ANXA6: variants seen among roughly 807,000 people sequenced by gnomAD.
The protein encoded by ANXA6 is annexin A6, also known as 67 kDa calelectrin.
A neutral mutation model predicts 95.4 loss-of-function variants in ANXA6; 71 were observed. The observed-to-expected ratio is 0.74, with a 90% CI of 0.61 to 0.91. The LOEUF is 0.91. Among genes scored for constraint, ANXA6 ranks in the 40% least tolerant of loss-of-function variants. The probability of loss-of-function intolerance (pLI) is 0.00; values close to 1 mark genes in which losing one functional copy is unlikely to be tolerated. For synonymous variants in ANXA6, 289 were observed against 315.9 expected (o/e 0.91, Z 0.90); for missense variants, 830 against 876.4 (o/e 0.95, Z 0.67).
intron 13 of ANXA6, 109 bp from the exon 14 acceptor site, chr5:151,126,589 C>A (rs1019686264): frequency 3.7e-6 from 3 of 821,608 alleles, no homozygotes; most frequent in Non-Finnish European, 6.1e-6. Flanking sequence ...CATACACACA[C>A]GTGCACACAC....
chr5:151,106,919 T>C (rs967423433), intron 23 of ANXA6, among the ~76,000 whole-genome samples: 7 of 152,154 alleles, frequency 4.6e-5, no homozygotes, highest in Admixed American at 1.3e-4. Flanking sequence ...TGCACGTGTA[T>C]ACCTGTTCAA....
intron 22 of ANXA6, 131 bp from the exon 23 acceptor site, chr5:151,108,681 A>G: frequency 1.3e-6 from 1 of 757,514 alleles, no homozygotes; most frequent in Non-Finnish European, 2.3e-6. Context: ...ATATGGCCAC[A>G]GCCCAGGCCT....
At chr5:151,138,048 T>C (rs1765717741) in intron 5 of ANXA6, among the ~76,000 whole-genome samples, 1 of 152,202 alleles carries the variant, frequency 6.6e-6, no homozygotes, top group Non-Finnish European at 1.5e-5. Context: ...TAATCTCACA[T>C]TGCTAAGTGC....
At chr5:151,156,009 C>G (rs1277102015) in intron 1 of ANXA6, among the ~76,000 whole-genome samples, 1 of 152,254 alleles carries the variant, frequency 6.6e-6, no homozygotes, top group Non-Finnish European at 1.5e-5. Context: ...TTGGGCTTCC[C>G]TGGCCCCTCC....
intron 17 of ANXA6, among the ~76,000 whole-genome samples, chr5:151,119,871 G>C (rs1256436951): frequency 1.3e-5 from 2 of 152,138 alleles, no homozygotes; most frequent in African/African-American, 2.4e-5. Context: ...TTGTGCTTAA[G>C]ATAAAATGCT....
At chr5:151,106,913 C>T (rs998363104) in intron 23 of ANXA6, among the ~76,000 whole-genome samples, 3 of 152,044 alleles carry the variant, frequency 2.0e-5, no homozygotes, top group Admixed American at 6.5e-5. Context: ...TGTGTTTGCA[C>T]GTGTATACCT....
intron 1 of ANXA6, among the ~76,000 whole-genome samples, chr5:151,150,699 T>C (rs1040197902): frequency 6.6e-5 from 10 of 151,872 alleles, no homozygotes; most frequent in African/African-American, 2.4e-4. Flanking sequence ...CACCAGGAAA[T>C]GGAAACTGTA....
intron 7 of ANXA6, among the ~76,000 whole-genome samples, chr5:151,135,556 A>T (rs1463451954): frequency 6.6e-6 from 1 of 152,218 alleles, no homozygotes; most frequent in African/African-American, 2.4e-5. Context: ...AGCTTGAGAC[A>T]TCTCAATGCC....
At chr5:151,152,656 C>A (rs1766136542) in intron 1 of ANXA6, among the ~76,000 whole-genome samples, 1 of 152,290 alleles carries the variant, frequency 6.6e-6, no homozygotes. Context: ...GGGTGCAGGA[C>A]AAGAGTATCA....
At chr5:151,105,925 A>C (rs75780957) in intron 23 of ANXA6, among the ~76,000 whole-genome samples, 1,819 of 152,298 alleles carry the variant, frequency 0.012, 36 homozygotes, top group African/African-American at 0.041. Flanking sequence ...TTCAATGGCA[A>C]AACTGCAATG....
chr5:151,135,914 C>T (rs527586800), intron 7 of ANXA6, among the ~76,000 whole-genome samples: 1 of 152,216 alleles, frequency 6.6e-6, no homozygotes, highest in South Asian at 2.1e-4. Context: ...TTTGGGCGGG[C>T]GGTGAGGAGG....
chr5:151,117,423 A>G (rs1006130878), intron 19 of ANXA6, among the ~76,000 whole-genome samples: 1 of 152,200 alleles, frequency 6.6e-6, no homozygotes, highest in Non-Finnish European at 1.5e-5. Flanking sequence ...AGGGTCTGCC[A>G]TTTTGGTTAT....
chr5:151,132,951 C>T, intron 9 of ANXA6, 143 bp downstream of exon 9: 1 of 656,992 alleles, frequency 1.5e-6, no homozygotes, highest in Non-Finnish European at 2.6e-6. Flanking sequence ...TTTGCACCAA[C>T]CTAATAAACT....
At chr5:151,138,841 T>C (rs1765744293) in intron 4 of ANXA6, 50 bp from the exon 5 acceptor site, 1 of 1,296,282 alleles carries the variant, frequency 7.7e-7, no homozygotes, top group Non-Finnish European at 1.1e-6. Context: ...GGAAGAGTAG[T>C]TACAACGGTA....
intron 2 of ANXA6, among the ~76,000 whole-genome samples, chr5:151,142,628 C>T (rs1408358285): frequency 6.6e-6 from 1 of 152,184 alleles, no homozygotes; most frequent in Non-Finnish European, 1.5e-5. Flanking sequence ...ATCATTCTGC[C>T]TAAGAAGAAC....
At position 151,138,749 on chromosome 5, in the gene ANXA6, C is replaced by G; in HGVS notation, c.247G>C (p.Glu83Gln). ...CTCATCAGGCCCACAATCAACCGTTCAAACTTGCCCGTCAATTCATACTTT... is the reference window on the plus strand; with the variant it reads ...CTCATCAGGCCCACAATCAACCGTTGAAACTTGCCCGTCAATTCATACTTT... ...DLKYELTGKF[E>Q]RLIVGLMRPP... Residue 83 changes from glutamate to glutamine, a missense_variant, in exon 5 of 26, where the codon GAA (glutamate) becomes CAA (glutamine). Transcript: ENST00000354546. The G allele has an allele frequency of 6.2e-7, 1 of 1,613,956 alleles. No homozygotes were observed. Among genetic ancestry groups the G allele is most frequent in the Non-Finnish European group, 8.5e-7 (1 of 1,179,864 alleles).
Position 151,120,718 on chromosome 5 carries a change from C to CA in ANXA6, c.1348-1329dup, listed in dbSNP as rs1162147920. Reference sequence around the variant, plus strand: ...TGGGCGAAAGAGCGAGACTCCGTCTCAAAAAAAAAAAGAGAAAGGCAAGAG... The same window carrying CA: ...TGGGCGAAAGAGCGAGACTCCGTCTCAAAAAAAAAAAAGAGAAAGGCAAGAG... On this transcript the variant is annotated intron_variant, in intron 17 of 25. Transcript: ENST00000354546. Among the ~76,000 whole-genome samples the CA allele has an allele frequency of 1.4e-3, 204 of 143,646 alleles. 1 individual carries two copies. The highest frequency in any genetic ancestry group is 3.6e-3 in the Middle Eastern group (1 of 280). The allele number at this position is 143,646 out of a possible 152,430, so 94.2% of individuals were successfully genotyped here.
In ANXA6 at chr5:151,132,575, C is replaced by A; in HGVS notation, c.641-4G>T. On this transcript the variant is annotated splice_region_variant and splice_polypyrimidine_tract_variant and intron_variant, in intron 9 of 25. Coordinates refer to ENST00000354546, the MANE Select transcript of ANXA6 (RefSeq NM_001155.5). ...GTCTTCAGATACTCATCGAACACTG[C>A]GTCAGACAGAGAGACAGGGAGGTTT... 1 of 1,611,226 alleles carries A rather than the reference C, an allele frequency of 6.2e-7. No individual in the cohort carries two copies. Among genetic ancestry groups the A allele is most frequent in the Non-Finnish European group, 8.5e-7 (1 of 1,178,868 alleles).
intron 1 of ANXA6, among the ~76,000 whole-genome samples, chr5:151,156,217 C>T (rs1189016894): frequency 6.6e-6 from 1 of 152,198 alleles, no homozygotes; most frequent in Admixed American, 6.5e-5. Context: ...TCCCATCCAA[C>T]TCCCAGAATC....
Sources: allele counts gnomAD v4.1 joint callset (sites outside exome capture counted in the v4.1 genomes callset), GRCh38; gene constraint gnomAD v4.1.1; transcripts MANE v1.5; gene names NCBI Gene and HGNC (gene_info 2026-07-23, HGNC 2026-07-21).